Variants in CREBRF observed in about 807,000 individuals in gnomAD.
The protein encoded by CREBRF is UPF0474 protein C5orf41.
A neutral mutation model predicts 66.1 loss-of-function variants in CREBRF; 5 were observed. The ratio of observed to expected loss-of-function variants is 0.08; its 90% CI spans 0.04 to 0.16. CREBRF has a LOEUF of 0.16. Ranked by LOEUF, CREBRF falls within the 10% of genes least tolerant of loss-of-function variation. The pLI is 1.00. For missense variants in CREBRF, 531 were observed against 744.9 expected (o/e 0.71, Z 3.34); for synonymous variants, 229 against 264.4 (o/e 0.87, Z 1.30).
At chr5:173,103,969 G>A (rs2113762032) in intron 4 of CREBRF, among the ~76,000 whole-genome samples, 1 of 152,250 alleles carries the variant, frequency 6.6e-6, no homozygotes, top group South Asian at 2.1e-4. Context: ...GAAAAGAAAA[G>A]GGAAAGGCCT....
Position 173,086,771 on chromosome 5 carries a change from ATTTATTTTTATT to A in CREBRF, c.135+155_135+166del, listed in dbSNP as rs200270802. On this transcript the variant is annotated intron_variant, in intron 3 of 8. Coordinates refer to ENST00000296953, the MANE Select transcript of CREBRF (RefSeq NM_153607.3). ...GATTATACCTAGGATAATTTTATTT[ATTTATTTTTATT>A]TTTATTTTTTTGAGACGGAGTCTCA... 8.2e-5 allele frequency: 42 copies of A among 511,494 alleles called. 1 individual carries two copies. The highest frequency in any genetic ancestry group is 9.8e-5 in the Non-Finnish European group (32 of 325,344). The allele number at this position is 511,494 out of a possible 1,614,324, so 31.7% of individuals were successfully genotyped here.
At chr5:173,122,569 TTTA>T (rs200659735) in intron 7 of CREBRF, among the ~76,000 whole-genome samples, 38,902 of 131,766 alleles carry the variant, frequency 0.3, 5,842 homozygotes, top group African/African-American at 0.37. Context: ...TATTATTTCT[TTTA>T]TTATTATTAT....
chr5:173,109,909 C>A, intron 5 of CREBRF: 1 of 153,996 alleles, frequency 6.5e-6, no homozygotes, highest in Non-Finnish European at 1.4e-5. Context: ...CATATGAATA[C>A]TAGGAAAGTT....
At chr5:173,060,477 C>T (rs1227589162) in intron 1 of CREBRF, 3 of 151,984 alleles carry the variant, frequency 2.0e-5, no homozygotes, top group Middle Eastern at 3.2e-3. Context: ...ATGATCCGCC[C>T]GCATTGGCCT....
At chr5:173,057,088 G>A (rs1757077419) in intron 1 of CREBRF, among the ~76,000 whole-genome samples, 2 of 152,132 alleles carry the variant, frequency 1.3e-5, no homozygotes, top group African/African-American at 2.4e-5. Flanking sequence ...GACGGGCGAG[G>A]GGCCTCCCTC....
chr5:173,066,506 A>G (rs1248126619), intron 1 of CREBRF, among the ~76,000 whole-genome samples: 1 of 152,172 alleles, frequency 6.6e-6, no homozygotes, highest in African/African-American at 2.4e-5. Flanking sequence ...GCTTTATTGA[A>G]TTATAATTTA....
chr5:173,058,786 CTTTTTTTTTTTT>C (rs70984932), intron 1 of CREBRF, among the ~76,000 whole-genome samples: 14 of 64,058 alleles, frequency 2.2e-4, no homozygotes, highest in Admixed American at 1.6e-3. Flanking sequence ...CGCCCAGCCT[CTTTTTTTTTTTT>C]TTTTTTTTTT....
At chr5:173,085,810 T>C (rs2113723672) in intron 2 of CREBRF, 1 of 779,682 alleles carries the variant, frequency 1.3e-6, no homozygotes, top group Non-Finnish European at 2.4e-6. Flanking sequence ...TAGCAGTCTC[T>C]GGAGTGATAG....
intron 7 of CREBRF, among the ~76,000 whole-genome samples, chr5:173,116,461 T>C (rs905776066): frequency 1.9e-4 from 29 of 152,232 alleles, no homozygotes; most frequent in African/African-American, 7.0e-4. Context: ...TTCTAAGATC[T>C]TACATTGATG....
intron 8 of CREBRF, among the ~76,000 whole-genome samples, chr5:173,125,945 A>C (rs893893536): frequency 3.9e-5 from 6 of 152,198 alleles, no homozygotes; most frequent in African/African-American, 1.4e-4. Context: ...TGGAAGGCTG[A>C]GGCAGGAGGA....
At chr5:173,091,820 C>T (rs1561805157) in intron 4 of CREBRF, 3 of 984,884 alleles carry the variant, frequency 3.0e-6, no homozygotes, top group African/African-American at 3.5e-5. Flanking sequence ...CGCAGTGGCT[C>T]ACGTTAGTAA....
intron 7 of CREBRF, among the ~76,000 whole-genome samples, chr5:173,119,783 CCTG>C (rs1203799649): frequency 5.3e-5 from 8 of 152,030 alleles, no homozygotes; most frequent in Non-Finnish European, 1.2e-4. Context: ...GAGAAAATTT[CCTG>C]CTATTTCTAG....
At chr5:173,058,778 C>T (rs1757160391) in intron 1 of CREBRF, among the ~76,000 whole-genome samples, 1 of 144,018 alleles carries the variant, frequency 6.9e-6, no homozygotes, top group Admixed American at 7.2e-5. Context: ...AGCCACCGCG[C>T]CCAGCCTCTT....
In CREBRF at chr5:173,076,488, C is replaced by T. The variant is rs190576189; in HGVS notation, c.-191-4097C>T. ...GTCATGGCCAGGCATCAGTGTCTCG[C>T]ACCTGTAATCCCAACACTTTAGGAG... On this transcript the variant is annotated intron_variant, in intron 1 of 8. Transcript: ENST00000296953. Among the ~76,000 whole-genome samples, 257 of 152,266 alleles carry T rather than the reference C, an allele frequency of 1.7e-3. 1 individual carries two copies. Among genetic ancestry groups the T allele is most frequent in the Middle Eastern group, 3.4e-3 (1 of 294 alleles).
intron 4 of CREBRF, among the ~76,000 whole-genome samples, chr5:173,102,166 T>C (rs1012441390): frequency 6.6e-6 from 1 of 152,234 alleles, no homozygotes; most frequent in African/African-American, 2.4e-5. Flanking sequence ...CTCACTGAGC[T>C]TCTTTAAGAC....
At chr5:173,085,460 A>T (rs1362423595) in intron 2 of CREBRF, 1 of 657,442 alleles carries the variant, frequency 1.5e-6, no homozygotes, top group African/African-American at 1.9e-5. Flanking sequence ...CTTGTTGCCC[A>T]GGCTGGAGTG....
intron 4 of CREBRF, among the ~76,000 whole-genome samples, chr5:173,105,924 G>A (rs1316256419): frequency 6.6e-6 from 1 of 152,002 alleles, no homozygotes; most frequent in Non-Finnish European, 1.5e-5. Context: ...GGCCACAAGG[G>A]CCTTTTTAAA....
intron 7 of CREBRF, among the ~76,000 whole-genome samples, chr5:173,115,914 A>G (rs962958815): frequency 3.3e-5 from 5 of 152,160 alleles, no homozygotes; most frequent in African/African-American, 1.2e-4. Context: ...CCGGCCCCTG[A>G]ATGTAGTTTT....
chr5:173,105,309 C>A (rs879494437), intron 4 of CREBRF, among the ~76,000 whole-genome samples: 3 of 151,376 alleles, frequency 2.0e-5, no homozygotes, highest in Non-Finnish European at 4.4e-5. Flanking sequence ...ATGCTTTGGG[C>A]TGGGATAGGC....
Sources: allele counts gnomAD v4.1 joint callset (sites outside exome capture counted in the v4.1 genomes callset), GRCh38; gene constraint gnomAD v4.1.1; transcripts MANE v1.5; gene names NCBI Gene and HGNC (gene_info 2026-07-23, HGNC 2026-07-21).